The following WNK1 variants were observed in gnomAD, a reference collection of about 807,000 sequenced individuals.
WNK1 encodes the protein serine/threonine-protein kinase WNK1.
WNK1 carries 38 observed loss-of-function variants against 222.8 expected under a neutral mutation model. The observed-to-expected ratio is 0.17, with a 90% CI of 0.13 to 0.22. WNK1 has a LOEUF of 0.22. Ranked by LOEUF, WNK1 falls within the 10% of genes least tolerant of loss-of-function variation. The pLI is 1.00. For missense variants in WNK1, 2,348 were observed against 2,918.4 expected (o/e 0.80, Z 4.50); for synonymous variants, 1,090 against 1,092.9 (o/e 1.00, Z 0.05).
At chr12:851,278 A>G (rs1950401650) in intron 4 of WNK1, 3 of 713,926 alleles carry the variant, frequency 4.2e-6, no homozygotes, top group Non-Finnish European at 5.2e-6. Context: ...GATTGGAGGA[A>G]GGGAGTGTTT....
chr12:823,425 T>C, intron 2 of WNK1, among the ~76,000 whole-genome samples: 1 of 152,234 alleles, frequency 6.6e-6, no homozygotes, highest in East Asian at 1.9e-4. Flanking sequence ...TTGCTCAACT[T>C]GATGGTGTCC....
intron 1 of WNK1, among the ~76,000 whole-genome samples, chr12:774,571 A>C (rs1300484968): frequency 6.6e-6 from 1 of 152,202 alleles, no homozygotes; most frequent in Non-Finnish European, 1.5e-5. Context: ...ACTGTTTAGA[A>C]CTATTTTCTT....
chr12:800,153 T>A (rs12831219), intron 1 of WNK1, among the ~76,000 whole-genome samples: 18,946 of 151,680 alleles, frequency 0.12, 1,438 homozygotes, highest in Middle Eastern at 0.2. Flanking sequence ...CAAAAAAAAA[T>A]TTTTTTTAAA....
chr12:789,487 C>T (rs1444756696), intron 1 of WNK1, among the ~76,000 whole-genome samples: 1 of 150,172 alleles, frequency 6.7e-6, no homozygotes. Context: ...ATTATTAGTC[C>T]TTTGTTCTCT....
chr12:908,061 TC>T, intron 27 of WNK1, 27 bp downstream of exon 27: 1 of 1,612,292 alleles, frequency 6.2e-7, no homozygotes, highest in Non-Finnish European at 8.5e-7. Context: ...CCGCAGAGAA[TC>T]CGTAACACAC....
intron 1 of WNK1, among the ~76,000 whole-genome samples, chr12:784,488 A>G (rs1014512617): frequency 6.6e-6 from 1 of 152,140 alleles, no homozygotes. Flanking sequence ...TAATATGAAT[A>G]TTTTTGTTGA....
chr12:902,800 A>T (rs1955377602), intron 26 of WNK1, among the ~76,000 whole-genome samples: 2 of 152,260 alleles, frequency 1.3e-5, no homozygotes, highest in African/African-American at 4.8e-5. Flanking sequence ...CTGATGAGTC[A>T]GTGCCTACCT....
At chr12:772,765 A>G (rs189742198) in intron 1 of WNK1, among the ~76,000 whole-genome samples, 59 of 152,332 alleles carry the variant, frequency 3.9e-4, no homozygotes, top group Middle Eastern at 3.4e-3. Context: ...ACAGAAGTTT[A>G]GAAGTCATGG....
intron 2 of WNK1, among the ~76,000 whole-genome samples, chr12:816,669 C>T (rs895135816): frequency 6.6e-6 from 1 of 151,940 alleles, no homozygotes; most frequent in Non-Finnish European, 1.5e-5. Flanking sequence ...AATCCCAAAC[C>T]GAAGAACATA....
At chr12:872,557 GTGCATCAC>G (rs1419545932) in intron 9 of WNK1, among the ~76,000 whole-genome samples, 4 of 152,180 alleles carry the variant, frequency 2.6e-5, no homozygotes, top group African/African-American at 9.7e-5. Flanking sequence ...AATATTTATA[GTGCATCAC>G]TGATATTAGT....
At chr12:891,991 T>C (rs1169564053) in intron 22 of WNK1, among the ~76,000 whole-genome samples, 2 of 151,074 alleles carry the variant, frequency 1.3e-5, no homozygotes, top group Non-Finnish European at 2.9e-5. Context: ...GCCACAGTTA[T>C]GAATATCTTA....
chr12:786,687 G>A lies in WNK1; in HGVS notation c.760-26955G>A, dbSNP rs541206132. On this transcript the variant is annotated intron_variant, in intron 1 of 27. Coordinates refer to ENST00000315939, the MANE Select transcript of WNK1 (RefSeq NM_018979.4). ...TCATCATGTTGGTCAGGCTGGTGTCGAACTCCTTACCTCAGGTGATCCACC... is the reference window on the plus strand; with the variant it reads ...TCATCATGTTGGTCAGGCTGGTGTCAAACTCCTTACCTCAGGTGATCCACC... Among the ~76,000 whole-genome samples the A allele has an allele frequency of 7.6e-4, 116 of 152,110 alleles. 1 individual carries two copies. The highest frequency in any genetic ancestry group is 6.4e-3 in the South Asian group (31 of 4,810).
Position 788,121 on chromosome 12 carries a change from A to G in WNK1, c.760-25521A>G, listed in dbSNP as rs191799042. ...AAGTGATTAGATGAGACCCAACCAC[A>G]TAATTGAGGGTAGTCTCCTTTACAT... On this transcript the variant is annotated intron_variant, in intron 1 of 27. Coordinates refer to ENST00000315939, the MANE Select transcript of WNK1 (RefSeq NM_018979.4). Among the ~76,000 whole-genome samples, 14 of 152,238 alleles carry G rather than the reference A, an allele frequency of 9.2e-5. No individual in the cohort carries two copies. In the East Asian group the frequency reaches 2.1e-3, roughly 23 times the overall value.
chr12:857,845 G>A (rs183327605), intron 5 of WNK1, among the ~76,000 whole-genome samples: 90 of 152,286 alleles, frequency 5.9e-4, no homozygotes, highest in Middle Eastern at 3.4e-3. Context: ...CAGGCATGGC[G>A]AAGGTCCAGT....
chr12:753,614 T>C lies in WNK1; in HGVS notation c.49T>C (p.Phe17Leu), dbSNP rs2120992603. Residue 17 changes from phenylalanine to leucine, a missense_variant, in exon 1 of 28, where the codon TTC becomes CTC. By Grantham distance (22) the Phe-to-Leu change is conservative. Transcript: ENST00000315939. The surrounding 1 kb of genome is among the most constrained non-coding windows in gnomAD (Gnocchi z 5.2). ...GCAGAGCAGCACTCCCGGTTCCCTG[T>C]TCCTCTCGCCGCCGGCTCCTGCCCC... Reference protein sequence around the residue: ...EKQSSTPGSLFLSPPAPAPKN... With the variant: ...EKQSSTPGSLLLSPPAPAPKN... 1 of 1,612,700 alleles carries C rather than the reference T, an allele frequency of 6.2e-7. No homozygotes were observed. The highest frequency in any genetic ancestry group is 8.5e-7 in the Non-Finnish European group (1 of 1,179,890).
intron 2 of WNK1, among the ~76,000 whole-genome samples, chr12:825,580 A>G (rs944075942): frequency 6.6e-6 from 1 of 152,216 alleles, no homozygotes; most frequent in Admixed American, 6.5e-5. Flanking sequence ...TAGATAAGTC[A>G]TTATTAAATG....
intron 1 of WNK1, among the ~76,000 whole-genome samples, chr12:805,699 C>T (rs188852564): frequency 1.3e-5 from 2 of 152,140 alleles, no homozygotes; most frequent in African/African-American, 2.4e-5. Context: ...GACATTAGGA[C>T]GTGCCAAACT....
intron 10 of WNK1, 119 bp downstream of exon 10, chr12:878,480 T>TTGGTTACCCTTAG: frequency 4.4e-6 from 5 of 1,147,658 alleles, no homozygotes; most frequent in African/African-American, 1.6e-5. Context: ...CTTCTAAGGG[T>TTGGTTACCCTTAG]AACCAACCCT....
intron 1 of WNK1, among the ~76,000 whole-genome samples, chr12:772,460 T>C (rs977131777): frequency 2.6e-5 from 4 of 152,062 alleles, no homozygotes; most frequent in African/African-American, 9.7e-5. Context: ...GGGGTGTGTG[T>C]ATGTGTATGT....
Sources: allele counts gnomAD v4.1 joint callset (sites outside exome capture counted in the v4.1 genomes callset), GRCh38; gene constraint gnomAD v4.1.1; non-coding constraint Gnocchi (gnomAD v3.1); transcripts MANE v1.5; gene names NCBI Gene and HGNC (gene_info 2026-07-23, HGNC 2026-07-21).